The following DOCK9 variants were observed in gnomAD, a reference collection of about 807,000 sequenced individuals.
The protein encoded by DOCK9 is dedicator of cytokinesis 9.
A neutral mutation model predicts 263.3 loss-of-function variants in DOCK9; 89 were observed. The observed-to-expected ratio is 0.34, with a 90% CI of 0.28 to 0.40. The LOEUF is 0.40. DOCK9 is among the 10% of genes least tolerant of loss of function. DOCK9 has a pLI of 1.00. For missense variants in DOCK9, 2,140 were observed against 2,603.4 expected, an observed-to-expected ratio of 0.82 and a Z score of 3.87; for synonymous variants, 976 against 973.1, an observed-to-expected ratio of 1.00 and a Z score of -0.06.
chr13:99,049,851 G>A (rs2040606303), intron 1 of DOCK9, among the ~76,000 whole-genome samples: 1 of 152,256 alleles, frequency 6.6e-6, no homozygotes, highest in Middle Eastern at 3.4e-3. Flanking sequence ...GACACATACT[G>A]TATTATCAGA....
At chr13:98,843,805 C>T (rs1320399980) in intron 38 of DOCK9, among the ~76,000 whole-genome samples, 1 of 152,150 alleles carries the variant, frequency 6.6e-6, no homozygotes, top group Non-Finnish European at 1.5e-5. Context: ...TCTCTCTCCT[C>T]CAATTCAAGT....
At chr13:98,998,476 A>G (rs1272865627) in intron 1 of DOCK9, among the ~76,000 whole-genome samples, 1 of 152,204 alleles carries the variant, frequency 6.6e-6, no homozygotes, top group Non-Finnish European at 1.5e-5. Context: ...CTTGGTTTCC[A>G]TCTGAATGAT....
At chr13:98,930,510 C>A (rs2053744765) in intron 2 of DOCK9, among the ~76,000 whole-genome samples, 1 of 152,252 alleles carries the variant, frequency 6.6e-6, no homozygotes, top group African/African-American at 2.4e-5. Context: ...CAGCTCAGCC[C>A]TTCCCGCAGG....
chr13:99,068,197 A>G (rs375696383), intron 1 of DOCK9, among the ~76,000 whole-genome samples: 2 of 152,334 alleles, frequency 1.3e-5, no homozygotes, highest in African/African-American at 4.8e-5. Context: ...TCTCAACACC[A>G]ATGTGTTTAG....
intron 13 of DOCK9, among the ~76,000 whole-genome samples, chr13:98,900,542 T>C (rs953657572): frequency 6.6e-6 from 1 of 152,234 alleles, no homozygotes; most frequent in African/African-American, 2.4e-5. Flanking sequence ...CCAATGTGCC[T>C]GGGTAAATGG....
At chr13:98,880,242 T>A (rs2044528411) in intron 26 of DOCK9, among the ~76,000 whole-genome samples, 1 of 151,984 alleles carries the variant, frequency 6.6e-6, no homozygotes, top group South Asian at 2.1e-4. Context: ...GTTACGGGTG[T>A]AGTCTTTCCC....
At chr13:99,078,877 G>C (rs1247964283) in intron 1 of DOCK9, among the ~76,000 whole-genome samples, 2 of 152,110 alleles carry the variant, frequency 1.3e-5, no homozygotes, top group East Asian at 1.9e-4. Context: ...ATCTGGGAAG[G>C]ACAGAAAATC....
At chr13:98,992,444 T>A (rs1880032016) in intron 1 of DOCK9, among the ~76,000 whole-genome samples, 1 of 152,098 alleles carries the variant, frequency 6.6e-6, no homozygotes. Flanking sequence ...ACTCAGCGGG[T>A]CTAGAATGCA....
intron 4 of DOCK9, among the ~76,000 whole-genome samples, chr13:98,924,332 G>T (rs1454349163): frequency 3.9e-5 from 6 of 152,234 alleles, no homozygotes; most frequent in African/African-American, 1.4e-4. Context: ...TAGGTCTACT[G>T]AGAACCGCAT....
chr13:99,008,212 C>CTCTCTATATA (rs1433985064), intron 1 of DOCK9, among the ~76,000 whole-genome samples: 2 of 79,172 alleles, frequency 2.5e-5, no homozygotes, highest in African/African-American at 8.5e-5. Flanking sequence ...CTCTCTCTCT[C>CTCTCTATATA]TATATATATA....
chr13:99,022,500 CCAAGTGAAAG>C (rs1262797429), intron 1 of DOCK9, among the ~76,000 whole-genome samples: 1 of 152,072 alleles, frequency 6.6e-6, no homozygotes, highest in African/African-American at 2.4e-5. Flanking sequence ...CAATGAGTGA[CCAAGTGAAAG>C]GAAGTGGAAA....
At chr13:99,065,403 A>G (rs926910515) in intron 1 of DOCK9, among the ~76,000 whole-genome samples, 3 of 152,156 alleles carry the variant, frequency 2.0e-5, no homozygotes, top group African/African-American at 7.2e-5. Context: ...GTATTCCCAC[A>G]GCAAAGTTCT....
chr13:98,884,971 C>T lies in DOCK9; in HGVS notation c.2382G>A (p.Arg794=). ...GACCCAATCTTAAAATGGGACATACCCTGCCCATCCCAAGCTCCTGGTAGC... is the reference window on the plus strand; with the variant it reads ...GACCCAATCTTAAAATGGGACATACTCTGCCCATCCCAAGCTCCTGGTAGC... ...YLGYQELGMG[R]HYGPEIKWVD... The change falls in exon 21 of 53, where the codon AGG becomes AGA. Residue 794 remains arginine, a splice_region_variant and synonymous_variant. Coordinates refer to ENST00000682017, the MANE Select transcript of DOCK9 (RefSeq NM_001366683.2). 1 of 1,612,474 alleles carries T rather than the reference C, an allele frequency of 6.2e-7. No homozygotes were observed. The highest frequency in any genetic ancestry group is 8.5e-7 in the Non-Finnish European group (1 of 1,179,308).
chr13:99,049,070 A>G (rs1249298607), intron 1 of DOCK9, among the ~76,000 whole-genome samples: 1 of 152,248 alleles, frequency 6.6e-6, no homozygotes, highest in Non-Finnish European at 1.5e-5. Flanking sequence ...TTGGCATTGT[A>G]CAGACTTCAA....
intron 30 of DOCK9, 92 bp downstream of exon 30, chr13:98,867,333 A>G: frequency 1.2e-6 from 1 of 807,864 alleles, no homozygotes; most frequent in South Asian, 1.8e-5. Flanking sequence ...AAATCAGAAA[A>G]TTCAAATATC....
chr13:99,081,587 G>A (rs1047690935), intron 1 of DOCK9, among the ~76,000 whole-genome samples: 1 of 152,246 alleles, frequency 6.6e-6, no homozygotes, highest in Non-Finnish European at 1.5e-5. Flanking sequence ...GCAAAGGGAT[G>A]TGACCTGATA....
chr13:98,994,543 C>A (rs1365952731), intron 1 of DOCK9, among the ~76,000 whole-genome samples: 4 of 152,190 alleles, frequency 2.6e-5, no homozygotes, highest in Non-Finnish European at 2.9e-5. Flanking sequence ...AAATTTGAAT[C>A]TTCTTCTGTG....
In DOCK9 at chr13:98,794,746, G is replaced by C. The variant is rs755891748; in HGVS notation, c.6159C>G (p.Ile2053Met). 1 of 1,613,930 alleles carries C rather than the reference G, an allele frequency of 6.2e-7. No individual in the cohort carries two copies. The highest frequency in any genetic ancestry group is 1.1e-5 in the South Asian group (1 of 91,054). ...KELSEIMHEQ[I>M]CPLEEKTSVL... ...CGCTCGTCTTCTCCTCCAGGGGGCA[G>C]ATCTTGAGGACAGAAACACAACGTT... The change falls in exon 53 of 53, where the codon ATC becomes ATG. Residue 2053 changes from isoleucine (I) to methionine (M), a missense_variant and splice_region_variant. Physicochemically the swap from Ile to Met is conservative, Grantham distance 10. This residue lies in a region of DOCK9 where 619 missense variants were observed against 861.8 expected (regional missense o/e 0.72). Coordinates refer to ENST00000682017, the MANE Select transcript of DOCK9 (RefSeq NM_001366683.2).
chr13:98,904,559 A>G, intron 10 of DOCK9, 73 bp downstream of exon 10: 1 of 1,116,472 alleles, frequency 9.0e-7, no homozygotes, highest in African/African-American at 1.7e-5. Flanking sequence ...GCAAACAAAT[A>G]AACAAATAAG....
Sources: allele counts gnomAD v4.1 joint callset (sites outside exome capture counted in the v4.1 genomes callset), GRCh38; gene constraint gnomAD v4.1.1; regional missense constraint gnomAD v4.1.1; transcripts MANE v1.5; gene names NCBI Gene and HGNC (gene_info 2026-07-23, HGNC 2026-07-21).